The following ALK variants were observed in gnomAD, a reference collection of about 807,000 sequenced individuals.
ALK encodes the protein ALK tyrosine kinase receptor.
In ALK, 74 loss-of-function variants were observed where a neutral mutation model predicts 163.1. The ratio of observed to expected loss-of-function variants is 0.45; its 90% confidence interval spans 0.38 to 0.55. The LOEUF (loss-of-function observed/expected upper bound fraction) is 0.55. ALK is among the 20% of genes least tolerant of loss of function. The probability of loss-of-function intolerance (pLI) is 0.00; values close to 1 mark genes in which losing one functional copy is unlikely to be tolerated. For synonymous variants in ALK, 960 were observed against 843.2 expected (o/e 1.14, Z -2.40); for missense variants, 2,063 against 2,105.3 (o/e 0.98, Z 0.39).
At chr2:29,825,907 A>G (rs1011024180) in intron 1 of ALK, among the ~76,000 whole-genome samples, 5 of 152,168 alleles carry the variant, frequency 3.3e-5, no homozygotes, top group African/African-American at 1.2e-4. Flanking sequence ...TTGGATGTTT[A>G]GGTGGTAGGG....
chr2:29,662,551 A>G (rs1364105578), intron 3 of ALK, among the ~76,000 whole-genome samples: 1 of 152,162 alleles, frequency 6.6e-6, no homozygotes, highest in East Asian at 1.9e-4. Context: ...ATAAATACAG[A>G]GAAAGAATTT....
chr2:29,897,230 G>C (rs1217612431), intron 1 of ALK, among the ~76,000 whole-genome samples: 1 of 151,994 alleles, frequency 6.6e-6, no homozygotes, highest in African/African-American at 2.4e-5. Flanking sequence ...TGAGGCAGGA[G>C]AACCACCTGA....
At chr2:29,276,675 T>C (rs1265407390) in intron 9 of ALK, among the ~76,000 whole-genome samples, 1 of 152,156 alleles carries the variant, frequency 6.6e-6, no homozygotes, top group African/African-American at 2.4e-5. Context: ...GGAGACGTGC[T>C]ATAAAATGGA....
At chr2:29,660,832 T>A (rs17008432) in intron 3 of ALK, among the ~76,000 whole-genome samples, 2,288 of 152,204 alleles carry the variant, frequency 0.015, 63 homozygotes, top group African/African-American at 0.053. Context: ...AACTTATGTC[T>A]CTTCCTGAAT....
intron 1 of ALK, among the ~76,000 whole-genome samples, chr2:29,887,431 T>C (rs1667013035): frequency 6.6e-6 from 1 of 152,212 alleles, no homozygotes; most frequent in Non-Finnish European, 1.5e-5. Flanking sequence ...AGGAGAAAGC[T>C]GCACGACCTT....
intron 1 of ALK, among the ~76,000 whole-genome samples, chr2:29,852,780 G>A (rs1666030582): frequency 1.3e-5 from 2 of 152,058 alleles, no homozygotes; most frequent in South Asian, 2.1e-4. Context: ...TCAGGGTGGA[G>A]CCCTCATGAA....
At chr2:29,898,215 T>C (rs1311636941) in intron 1 of ALK, among the ~76,000 whole-genome samples, 2 of 152,236 alleles carry the variant, frequency 1.3e-5, no homozygotes, top group Non-Finnish European at 2.9e-5. Flanking sequence ...ATTTTTTCGG[T>C]GAACCCATTC....
chr2:29,455,093 C>T (rs1289736844), intron 4 of ALK, among the ~76,000 whole-genome samples: 3 of 152,104 alleles, frequency 2.0e-5, no homozygotes, highest in East Asian at 1.9e-4. Context: ...TTCACTTCTT[C>T]GCCCCATCTT....
intron 4 of ALK, among the ~76,000 whole-genome samples, chr2:29,457,116 G>A (rs1336364253): frequency 6.6e-6 from 1 of 152,168 alleles, no homozygotes; most frequent in East Asian, 1.9e-4. Flanking sequence ...TTTCTCTTGA[G>A]TTTAAAACAG....
intron 3 of ALK, among the ~76,000 whole-genome samples, chr2:29,587,770 C>A (rs910054829): frequency 1.3e-5 from 2 of 152,026 alleles, no homozygotes; most frequent in African/African-American, 2.4e-5. Context: ...ATGTTGTATT[C>A]AATATTTTAT....
intron 3 of ALK, among the ~76,000 whole-genome samples, chr2:29,634,089 G>A (rs186015472): frequency 3.4e-4 from 51 of 151,062 alleles, no homozygotes; most frequent in African/African-American, 1.2e-3. Context: ...AGGTGTCCTG[G>A]CTATTCATGA....
intron 3 of ALK, among the ~76,000 whole-genome samples, chr2:29,583,285 T>C (rs1420041790): frequency 6.6e-6 from 1 of 152,208 alleles, no homozygotes; most frequent in Non-Finnish European, 1.5e-5. Context: ...TCATGCTTTA[T>C]AATTTGCAAG....
At chr2:29,405,047 A>G (rs1558310070) in intron 4 of ALK, among the ~76,000 whole-genome samples, 1 of 152,260 alleles carries the variant, frequency 6.6e-6, no homozygotes, top group Non-Finnish European at 1.5e-5. Context: ...TTAAAAGAAT[A>G]GATAATGCTA....
intron 1 of ALK, among the ~76,000 whole-genome samples, chr2:29,858,977 G>A (rs1343422193): frequency 6.6e-6 from 1 of 152,092 alleles, no homozygotes; most frequent in Admixed American, 6.5e-5. Context: ...AGGTTGCAGT[G>A]AGCCAGGATT....
At chr2:29,546,813 A>G (rs1347970871) in intron 3 of ALK, among the ~76,000 whole-genome samples, 1 of 152,090 alleles carries the variant, frequency 6.6e-6, no homozygotes, top group East Asian at 1.9e-4. Context: ...TTTTTTGCCC[A>G]TTTCCTTGCA....
In ALK at chr2:29,197,684, T is replaced by C. The variant is rs3738869; in HGVS notation, c.3939-8A>G. 1,017 of 1,613,152 alleles carry C rather than the reference T, an allele frequency of 6.3e-4. 8 individuals carry two copies. The East Asian group carries it at 0.02, about 31-fold the overall frequency. ...AGCAGCACTCCAAAGGACCTGGGCATGGGACAGAGGACATGGAGATGGATA... is the reference window on the plus strand; with the variant it reads ...AGCAGCACTCCAAAGGACCTGGGCACGGGACAGAGGACATGGAGATGGATA... On this transcript the variant is annotated splice_region_variant and splice_polypyrimidine_tract_variant and intron_variant, in intron 26 of 28. Transcript: ENST00000389048.
chr2:29,558,149 T>C (rs1410674428), intron 3 of ALK, among the ~76,000 whole-genome samples: 1 of 152,220 alleles, frequency 6.6e-6, no homozygotes. Flanking sequence ...TTGTCCTCAA[T>C]CAAGAGCTGA....
intron 4 of ALK, among the ~76,000 whole-genome samples, chr2:29,494,338 T>A (rs1018969442): frequency 2.0e-5 from 3 of 152,172 alleles, no homozygotes; most frequent in Non-Finnish European, 4.4e-5. Context: ...GCAGAATTTT[T>A]AAAAATGAAA....
chr2:29,379,891 T>C (rs1668853333), intron 5 of ALK, among the ~76,000 whole-genome samples: 1 of 152,184 alleles, frequency 6.6e-6, no homozygotes, highest in Non-Finnish European at 1.5e-5. Flanking sequence ...AGTATTGTGT[T>C]AGTCCATTCT....
Sources: gnomAD v4.1 joint callset for allele counts (sites outside exome capture counted in the v4.1 genomes callset) on GRCh38, gnomAD v4.1.1 for gene constraint, MANE v1.5 for transcripts, NCBI Gene and HGNC (gene_info 2026-07-23, HGNC 2026-07-21) for gene names.